The following KIAA1217 variants were observed in gnomAD, a reference collection of about 807,000 sequenced individuals.
The protein encoded by KIAA1217 is KIAA1217, also known as sickle tail protein homolog.
In KIAA1217, 88 loss-of-function variants were observed where a neutral mutation model predicts 163.9. That is an observed-to-expected ratio of 0.54 (90% CI 0.45 to 0.64). The LOEUF (loss-of-function observed/expected upper bound fraction) is 0.64. KIAA1217 is among the 30% of genes least tolerant of loss of function. The pLI is 0.00. For missense variants in KIAA1217, 2,372 were observed against 2,475.0 expected, an observed-to-expected ratio of 0.96 and a Z score of 0.88; for synonymous variants, 903 against 923.1, an observed-to-expected ratio of 0.98 and a Z score of 0.39.
At chr10:23,953,640 G>A (rs936066747) in intron 1 of KIAA1217, among the ~76,000 whole-genome samples, 1 of 152,146 alleles carries the variant, frequency 6.6e-6, no homozygotes, top group Non-Finnish European at 1.5e-5. Context: ...CAACTTAGAT[G>A]TTTTCATGCA....
chr10:24,086,333 G>A (rs1165372317), intron 2 of KIAA1217, among the ~76,000 whole-genome samples: 1 of 152,210 alleles, frequency 6.6e-6, no homozygotes, highest in Non-Finnish European at 1.5e-5. Flanking sequence ...CCACCCTCAT[G>A]TTTTGAGAGT....
At chr10:24,201,601 C>G (rs1253670795) in intron 2 of KIAA1217, among the ~76,000 whole-genome samples, 1 of 152,120 alleles carries the variant, frequency 6.6e-6, no homozygotes, top group Admixed American at 6.5e-5. Flanking sequence ...GCCAGCACCC[C>G]CTCTACCCAC....
At chr10:23,912,736 A>G (rs1186190622) in intron 1 of KIAA1217, among the ~76,000 whole-genome samples, 1 of 152,220 alleles carries the variant, frequency 6.6e-6, no homozygotes, top group Non-Finnish European at 1.5e-5. Flanking sequence ...TAAAATTTTA[A>G]GACAGTGTGA....
chr10:23,868,297 G>A (rs1213682970), intron 1 of KIAA1217, among the ~76,000 whole-genome samples: 1 of 152,098 alleles, frequency 6.6e-6, no homozygotes, highest in Non-Finnish European at 1.5e-5. Flanking sequence ...AGTTAAGCCA[G>A]GCCTGGCATG....
At chr10:24,357,679 T>C (rs1289678043) in intron 2 of KIAA1217, among the ~76,000 whole-genome samples, 1 of 152,180 alleles carries the variant, frequency 6.6e-6, no homozygotes, top group Non-Finnish European at 1.5e-5. Flanking sequence ...TTAAGTTTCG[T>C]GTTCCAAGGA....
At chr10:24,490,947 C>T (rs1592354648) in intron 6 of KIAA1217, among the ~76,000 whole-genome samples, 2 of 152,322 alleles carry the variant, frequency 1.3e-5, no homozygotes, top group Admixed American at 1.3e-4. Flanking sequence ...ACCTGGAGTG[C>T]ATATAGCCCT....
chr10:24,255,010 T>A (rs2074992090), intron 2 of KIAA1217, among the ~76,000 whole-genome samples: 1 of 152,080 alleles, frequency 6.6e-6, no homozygotes, highest in African/African-American at 2.4e-5. Context: ...CCCGCCACCA[T>A]GCCCAGCTAA....
At chr10:23,950,491 AG>A (rs5783869) in intron 1 of KIAA1217, among the ~76,000 whole-genome samples, 64,826 of 150,496 alleles carry the variant, frequency 0.43, 17,342 homozygotes, top group African/African-American at 0.76. Flanking sequence ...GGGATACGGG[AG>A]GGGAAAAAAA....
intron 2 of KIAA1217, among the ~76,000 whole-genome samples, chr10:24,037,632 G>A (rs762303029): frequency 1.1e-4 from 16 of 152,210 alleles, no homozygotes; most frequent in Non-Finnish European, 2.1e-4. Context: ...TTGATCACAG[G>A]AGACAGATTG....
At chr10:23,811,146 T>C (rs1007714537) in intron 1 of KIAA1217, among the ~76,000 whole-genome samples, 4 of 140,576 alleles carry the variant, frequency 2.8e-5, no homozygotes, top group Non-Finnish European at 6.1e-5. Flanking sequence ...GATTATACTA[T>C]GTATATAGTA....
At chr10:23,877,588 C>G (rs1486997921) in intron 1 of KIAA1217, 1 of 151,862 alleles carries the variant, frequency 6.6e-6, no homozygotes, top group African/African-American at 2.4e-5. Flanking sequence ...TCCAGTTTCC[C>G]TAGGAGAATA....
intron 2 of KIAA1217, among the ~76,000 whole-genome samples, chr10:24,022,185 T>C (rs1164643337): frequency 6.6e-6 from 1 of 151,348 alleles, no homozygotes; most frequent in Non-Finnish European, 1.5e-5. Flanking sequence ...GGAAGAAATA[T>C]TTGCAAAACA....
At chr10:24,320,100 A>G (rs2043944159) in intron 2 of KIAA1217, among the ~76,000 whole-genome samples, 1 of 152,264 alleles carries the variant, frequency 6.6e-6, no homozygotes, top group African/African-American at 2.4e-5. Flanking sequence ...TATGTATGAT[A>G]TGAAATGCTC....
chr10:24,408,420 G>A (rs2057435987), intron 3 of KIAA1217, among the ~76,000 whole-genome samples: 1 of 152,054 alleles, frequency 6.6e-6, no homozygotes, highest in South Asian at 2.1e-4. Context: ...CACCTAACTG[G>A]TTCCCCTCTT....
Position 24,249,036 on chromosome 10 carries a change from C to T in KIAA1217, c.354+29127C>T, listed in dbSNP as rs149113325. ...CTGTTTAATTCAGATGCACAGAATG[C>T]ATTAAAACCACGAGTGTAGTGGACG... On this transcript the variant is annotated intron_variant, in intron 2 of 20. Transcript: ENST00000376454. Among the ~76,000 whole-genome samples the T allele has an allele frequency of 4.1e-3, 622 of 152,294 alleles. 5 individuals carry two copies. The highest frequency in any genetic ancestry group is 0.014 in the African/African-American group (596 of 41,566).
At chr10:23,865,200 C>A (rs114946320) in intron 1 of KIAA1217, among the ~76,000 whole-genome samples, 48 of 152,218 alleles carry the variant, frequency 3.2e-4, no homozygotes, top group African/African-American at 1.1e-3. Context: ...TTTCCATCAG[C>A]AGCATGTGAG....
chr10:24,404,864 A>G (rs2057028395), intron 3 of KIAA1217, among the ~76,000 whole-genome samples: 1 of 152,206 alleles, frequency 6.6e-6, no homozygotes, highest in African/African-American at 2.4e-5. Flanking sequence ...AGGAAAAAAG[A>G]AAAAAGCCAG....
chr10:23,894,044 G>T (rs1412522527), intron 1 of KIAA1217, among the ~76,000 whole-genome samples: 1 of 151,944 alleles, frequency 6.6e-6, no homozygotes, highest in Non-Finnish European at 1.5e-5. Flanking sequence ...TACTGAATGG[G>T]CAAAAGCTGG....
Position 23,793,347 on chromosome 10 carries a change from G to T in KIAA1217, c.-321+98113G>T, listed in dbSNP as rs74123135. On this transcript the variant is annotated intron_variant, in intron 1 of 18. Transcript: ENST00000376462. ...CTCCCAGATAGCACGTCCCCGGTGC[G>T]TTCTGTGCTTTTGCCTTGGGCATGA... Among the ~76,000 whole-genome samples the T allele has an allele frequency of 2.0e-5, 3 of 152,094 alleles. No homozygotes were observed. The East Asian group carries it at 5.8e-4, about 29-fold the overall frequency.
Sources: allele counts gnomAD v4.1 joint callset (sites outside exome capture counted in the v4.1 genomes callset), GRCh38; gene constraint gnomAD v4.1.1; transcripts MANE v1.5; gene names NCBI Gene and HGNC (gene_info 2026-07-23, HGNC 2026-07-21).